Variants in CCDC191 observed in about 807,000 individuals in gnomAD.
CCDC191 encodes coiled-coil domain-containing protein 191.
In CCDC191, 99 loss-of-function variants were observed where a neutral mutation model predicts 114.0. That is an observed-to-expected ratio of 0.87 (90% confidence interval 0.74 to 1.03). The LOEUF (loss-of-function observed/expected upper bound fraction) is 1.03. CCDC191 is among the 50% of genes least tolerant of loss of function. The pLI, the probability that CCDC191 is intolerant of heterozygous loss-of-function variation, is 0.00. For missense variants in CCDC191, 973 were observed against 1,087.0 expected, an observed-to-expected ratio of 0.90 and a Z score of 1.47; for synonymous variants, 351 against 376.0, an observed-to-expected ratio of 0.93 and a Z score of 0.77.
intron 2 of CCDC191, among the ~76,000 whole-genome samples, chr3:114,048,581 T>A (rs1275384546): frequency 6.6e-6 from 1 of 152,142 alleles, no homozygotes; most frequent in East Asian, 1.9e-4. Flanking sequence ...CCTGAACTGC[T>A]CTCCTACAGA....
intron 6 of CCDC191, among the ~76,000 whole-genome samples, chr3:114,032,416 T>C (rs2076419247): frequency 6.6e-6 from 1 of 152,202 alleles, no homozygotes; most frequent in Non-Finnish European, 1.5e-5. Context: ...CATCCCTCTT[T>C]TGCTCACCAA....
At chr3:113,977,017 A>T (rs1416930084) in intron 16 of CCDC191, among the ~76,000 whole-genome samples, 1 of 152,228 alleles carries the variant, frequency 6.6e-6, no homozygotes, top group Non-Finnish European at 1.5e-5. Flanking sequence ...GGAGGTAGGC[A>T]CCCTCATGGC....
At chr3:114,010,130 A>T (rs2107679180) in intron 9 of CCDC191, among the ~76,000 whole-genome samples, 1 of 150,380 alleles carries the variant, frequency 6.6e-6, no homozygotes, top group South Asian at 2.1e-4. Context: ...TTAGAAGAAC[A>T]GTAAGTATTA....
At chr3:114,017,039 C>A (rs2076169800) in intron 8 of CCDC191, among the ~76,000 whole-genome samples, 1 of 151,506 alleles carries the variant, frequency 6.6e-6, no homozygotes, top group African/African-American at 2.4e-5. Flanking sequence ...TTTCTCCCAG[C>A]ATATCATAGG....
chr3:114,003,313 C>T, intron 11 of CCDC191: 1 of 985,354 alleles, frequency 1.0e-6, no homozygotes, highest in Non-Finnish European at 1.2e-6. Flanking sequence ...CTTTCAGTTC[C>T]TTGTGCCATA....
intron 9 of CCDC191, among the ~76,000 whole-genome samples, chr3:114,006,587 G>A (rs1559903022): frequency 1.2e-5 from 1 of 82,620 alleles, no homozygotes; most frequent in Admixed American, 1.3e-4. Context: ...GGTTACTCCA[G>A]ATATATATAT....
chr3:114,004,162 T>C, intron 11 of CCDC191: 1 of 955,422 alleles, frequency 1.0e-6, no homozygotes, highest in Non-Finnish European at 1.2e-6. Context: ...ACATATCTGG[T>C]TTGTAGGTTT....
chr3:114,045,316 G>T (rs548700267), intron 3 of CCDC191, among the ~76,000 whole-genome samples: 1 of 152,070 alleles, frequency 6.6e-6, no homozygotes, highest in South Asian at 2.1e-4. Context: ...GCCTCCCACT[G>T]GTTGCCCTTT....
At chr3:114,015,004 C>G (rs2076135100) in intron 8 of CCDC191, among the ~76,000 whole-genome samples, 2 of 151,926 alleles carry the variant, frequency 1.3e-5, no homozygotes, top group Admixed American at 1.3e-4. Flanking sequence ...GAATTTATCC[C>G]AATCAAACAG....
chr3:113,992,716 T>C (rs1392681884), intron 13 of CCDC191, among the ~76,000 whole-genome samples: 1 of 151,956 alleles, frequency 6.6e-6, no homozygotes, highest in Non-Finnish European at 1.5e-5. Flanking sequence ...ACCCTAAAAC[T>C]TAAAGTATAA....
At chr3:113,977,101 G>A (rs907456820) in intron 16 of CCDC191, among the ~76,000 whole-genome samples, 1 of 152,002 alleles carries the variant, frequency 6.6e-6, no homozygotes. Context: ...AAAGAAAACA[G>A]CACCAGTCAA....
rs150626555 is a variant in CCDC191 at position 113,970,836 on chromosome 3, C to T, written c.2607-5477G>A. 9.3e-3 allele frequency among the ~76,000 whole-genome samples: 1,419 copies of T among 151,964 alleles called. 10 individuals are homozygous for T. Among genetic ancestry groups the T allele is most frequent in the Non-Finnish European group, 0.015 (999 of 67,986 alleles). On this transcript the variant is annotated intron_variant, in intron 16 of 16. Transcript: ENST00000295878. ...TGCGGTGTTTGGGTTTTTGTCCTTG[C>T]GATAGTTTGCTGAGAATGACGGTTT...
At chr3:114,043,084 C>G (rs1055741613) in intron 3 of CCDC191, among the ~76,000 whole-genome samples, 2 of 151,974 alleles carry the variant, frequency 1.3e-5, no homozygotes, top group African/African-American at 4.8e-5. Flanking sequence ...GACAGGAAGA[C>G]ATGGAAGATG....
At position 114,004,509 on chromosome 3, in the gene CCDC191, A is replaced by G. The variant is rs1177998250; in HGVS notation, c.1978+128T>C. On this transcript the variant is annotated intron_variant, in intron 11 of 16. Transcript: ENST00000295878. ...CACTCCTCACATGTCTACCATTCTG[A>G]GATTTTTGATGTCAGGTTCTGCCAA... 32 of 1,469,050 alleles carry G rather than the reference A, an allele frequency of 2.2e-5. 1 individual carries two copies. The allele number at this position is 1,469,050 out of a possible 1,614,324, so 91.0% of individuals were successfully genotyped here. A position where few individuals can be genotyped will look rare whatever the true frequency, so the allele number is the denominator to read the frequency against.
intron 13 of CCDC191, among the ~76,000 whole-genome samples, chr3:113,995,625 G>T (rs555977337): frequency 6.6e-6 from 1 of 152,074 alleles, no homozygotes; most frequent in Non-Finnish European, 1.5e-5. Flanking sequence ...GATTTGTATC[G>T]CTTTGGGTAT....
Position 114,053,599 on chromosome 3 carries a change from T to A in CCDC191, c.127A>T (p.Lys43Ter). ...FGPDSVEHWI[K>*]RVEKASEFAV... Reference sequence around the variant, plus strand: ...TTCTAAATTTGAAATATCCTTACCTTTATCCAGTGTTCCACACTGTCAGGA... The same window carrying A: ...TTCTAAATTTGAAATATCCTTACCTATATCCAGTGTTCCACACTGTCAGGA... The change falls in exon 2 of 17, where the codon AAG becomes TAG. Residue 43 changes from lysine (K) to a stop codon, truncating the protein, a stop_gained and splice_region_variant. Coordinates refer to ENST00000295878, the MANE Select transcript of CCDC191 (RefSeq NM_020817.2). LOFTEE classifies it high-confidence loss of function. 6.4e-7 allele frequency: 1 copy of A among 1,572,856 alleles called. No individual in the cohort carries two copies.
At chr3:114,044,969 C>G (rs1364313319) in intron 3 of CCDC191, among the ~76,000 whole-genome samples, 1 of 152,078 alleles carries the variant, frequency 6.6e-6, no homozygotes, top group Non-Finnish European at 1.5e-5. Flanking sequence ...CCTTTGAAAA[C>G]CATGTTCTAT....
Position 114,056,481 on chromosome 3 carries a change from C to T in CCDC191, c.-15G>A, listed in dbSNP as rs377278615. 26 of 1,613,946 alleles carry T rather than the reference C, an allele frequency of 1.6e-5. No individual in the cohort carries two copies. In the African/African-American group the frequency reaches 2.5e-4, roughly 16 times the overall value. The stretch of plus-strand genomic sequence containing the variant: ...GCCAGGAGCATTTTCCAAGTTCGAG[C>T]CCGAACCTCGGCCAAAGCTGCAGCA... On this transcript the variant is annotated 5_prime_UTR_variant, in exon 1 of 17. Coordinates refer to ENST00000295878, the MANE Select transcript of CCDC191 (RefSeq NM_020817.2).
At chr3:114,002,335 AT>A (rs2075870392) in intron 12 of CCDC191, 120 bp downstream of exon 12, 1 of 673,306 alleles carries the variant, frequency 1.5e-6, no homozygotes, top group South Asian at 2.4e-5. Flanking sequence ...CCAAAAAACC[AT>A]TTCCAAAGTT....
Sources: gnomAD v4.1 joint callset for allele counts (sites outside exome capture counted in the v4.1 genomes callset) on GRCh38, gnomAD v4.1.1 for gene constraint, MANE v1.5 for transcripts, NCBI Gene and HGNC (gene_info 2026-07-23, HGNC 2026-07-21) for gene names.